HMGB1: variants seen among roughly 807,000 people sequenced by gnomAD.
The protein encoded by HMGB1 is high mobility group protein B1.
For missense variants in HMGB1, 79 were observed against 253.5 expected (o/e 0.31, Z 4.67); for synonymous variants, 81 against 84.0 (o/e 0.96, Z 0.19).
chr13:30,581,999 C>T (rs1764792331), intron 1 of HMGB1, among the ~76,000 whole-genome samples: 1 of 152,042 alleles, frequency 6.6e-6, no homozygotes, highest in African/African-American at 2.4e-5. Flanking sequence ...GTAGAGAAGG[C>T]AAACAGAATA....
At chr13:30,565,675 A>T (rs1365097040) in intron 1 of HMGB1, among the ~76,000 whole-genome samples, 1 of 152,220 alleles carries the variant, frequency 6.6e-6, no homozygotes, top group East Asian at 1.9e-4. Flanking sequence ...TCCAGAGGGC[A>T]CTGATGCTGC....
At chr13:30,464,499 G>A (rs1886586543) in intron 1 of HMGB1, 57 of 984,730 alleles carry the variant, frequency 5.8e-5, no homozygotes, top group Non-Finnish European at 6.6e-5. Flanking sequence ...CTTCGCCGGT[G>A]GCCGCGCGGC....
chr13:30,536,012 G>A (rs965147257), intron 1 of HMGB1, among the ~76,000 whole-genome samples: 22 of 152,258 alleles, frequency 1.4e-4, no homozygotes, highest in Non-Finnish European at 1.8e-4. Flanking sequence ...TACCAATAAC[G>A]TAATTCAGAA....
At chr13:30,567,137 A>C (rs919153807) in intron 1 of HMGB1, among the ~76,000 whole-genome samples, 2 of 152,224 alleles carry the variant, frequency 1.3e-5, no homozygotes, top group East Asian at 3.8e-4. Context: ...TTCAAGAATC[A>C]GGCAAATTGC....
intron 1 of HMGB1, among the ~76,000 whole-genome samples, chr13:30,525,330 G>A (rs1305366398): frequency 6.6e-6 from 1 of 152,130 alleles, no homozygotes; most frequent in Non-Finnish European, 1.5e-5. Flanking sequence ...ACAAAATATT[G>A]CAGCAAAATG....
At chr13:30,569,586 C>T (rs923927671) in intron 1 of HMGB1, among the ~76,000 whole-genome samples, 2 of 152,146 alleles carry the variant, frequency 1.3e-5, no homozygotes, top group Admixed American at 6.5e-5. Flanking sequence ...ACTGAGAAGA[C>T]AATGTTCATA....
intron 1 of HMGB1, among the ~76,000 whole-genome samples, chr13:30,518,149 T>C (rs1459663110): frequency 6.6e-6 from 1 of 151,838 alleles, no homozygotes; most frequent in Non-Finnish European, 1.5e-5. Context: ...CTGGGCAAGA[T>C]AGCGAGACTT....
intron 1 of HMGB1, among the ~76,000 whole-genome samples, chr13:30,555,477 G>A (rs1253555401): frequency 6.6e-6 from 1 of 152,078 alleles, no homozygotes; most frequent in South Asian, 2.1e-4. Flanking sequence ...TTGTTAAAGA[G>A]TCAAAAAAAT....
At chr13:30,588,197 T>C (rs1484321286) in intron 1 of HMGB1, among the ~76,000 whole-genome samples, 2 of 152,268 alleles carry the variant, frequency 1.3e-5, no homozygotes, top group African/African-American at 2.4e-5. Flanking sequence ...CAAGAAACCA[T>C]AATGTTAAAA....
At chr13:30,541,459 C>T (rs1010796284) in intron 1 of HMGB1, among the ~76,000 whole-genome samples, 2 of 146,534 alleles carry the variant, frequency 1.4e-5, no homozygotes, top group African/African-American at 5.5e-5. Context: ...GATTTTTCAG[C>T]ACAAGTCTAA....
intron 1 of HMGB1, among the ~76,000 whole-genome samples, chr13:30,558,937 A>G (rs559021504): frequency 3.3e-5 from 5 of 152,330 alleles, no homozygotes; most frequent in African/African-American, 7.2e-5. Flanking sequence ...CAGATGGATT[A>G]TAATCTTCTT....
intron 1 of HMGB1, among the ~76,000 whole-genome samples, chr13:30,550,001 G>A (rs1481615918): frequency 6.6e-6 from 1 of 151,994 alleles, no homozygotes; most frequent in Non-Finnish European, 1.5e-5. Flanking sequence ...ACAGGCATGA[G>A]CCACCACACC....
intron 1 of HMGB1, among the ~76,000 whole-genome samples, chr13:30,543,633 C>T (rs1334785631): frequency 6.6e-6 from 1 of 152,154 alleles, no homozygotes; most frequent in Non-Finnish European, 1.5e-5. Context: ...CCCTTCAGGG[C>T]AGCACCTGAA....
In HMGB1 at chr13:30,459,512, T is replaced by C. The variant is rs540804627; in HGVS notation, c.*1845A>G. 1 of 145,718 alleles carries C rather than the reference T, an allele frequency of 6.9e-6. No homozygotes were observed. Among genetic ancestry groups the C allele is most frequent in the Admixed American group, 6.7e-5 (1 of 14,852 alleles). 9.0% of individuals were successfully genotyped at this position (145,718 alleles called of 1,614,324 possible). On this transcript the variant is annotated 3_prime_UTR_variant, in exon 5 of 5. Transcript: ENST00000341423. Reference sequence around the variant, plus strand: ...AATCAGATTGAGTCATTTGCTCCTCTTAACAAAAAATCTGATGTTCGACAC... The same window carrying C: ...AATCAGATTGAGTCATTTGCTCCTCCTAACAAAAAATCTGATGTTCGACAC...
At chr13:30,499,928 G>A (rs1428886392) in intron 1 of HMGB1, among the ~76,000 whole-genome samples, 2 of 152,210 alleles carry the variant, frequency 1.3e-5, no homozygotes, top group Non-Finnish European at 2.9e-5. Flanking sequence ...CTGGGGAAAT[G>A]TGTCTCCCCA....
rs547066248 is a variant in HMGB1 at position 30,487,464 on chromosome 13, T to C, written c.-14-23770A>G. Among the ~76,000 whole-genome samples, 286 of 152,380 alleles carry C rather than the reference T, an allele frequency of 1.9e-3. 2 individuals are homozygous for C. Among genetic ancestry groups the C allele is most frequent in the Non-Finnish European group, 2.9e-3 (194 of 68,040 alleles). ...GAAGGTTCTGGGACTCTTTTGCATT[T>C]ATGCAGAGGGTTGCAGAAAAAATAA... On this transcript the variant is annotated intron_variant, in intron 1 of 4. Transcript: ENST00000405805.
rs1887166547 is a variant in HMGB1 at position 30,478,962 on chromosome 13, G to A, written c.-14-15268C>T. Among the ~76,000 whole-genome samples the A allele has an allele frequency of 2.7e-5, 4 of 150,262 alleles. No individual in the cohort carries two copies. The Admixed American group carries it at 2.7e-4, about 10-fold the overall frequency. The stretch of plus-strand genomic sequence containing the variant: ...CAGCTCACTGCAACCTCTGCCTCCC[G>A]GGTTCAAGCGATTCTCGTGCCTCAG... On this transcript the variant is annotated intron_variant, in intron 1 of 4. Coordinates refer to the HMGB1 transcript ENST00000405805.
In HMGB1 at chr13:30,608,623, C is replaced by T. The variant is rs1391441566; in HGVS notation, c.-15+8048G>A. On this transcript the variant is annotated intron_variant, in intron 1 of 4. Transcript: ENST00000405805. The stretch of plus-strand genomic sequence containing the variant: ...TCTCTTCTTTCCATTTGGGATTTGG[C>T]TGACTGAAGAGGGTCATTTGTTTTG... Among the ~76,000 whole-genome samples the T allele has an allele frequency of 2.0e-5, 3 of 152,280 alleles. 1 individual carries two copies. In the East Asian group the frequency reaches 5.8e-4, roughly 29 times the overall value.
chr13:30,488,343 A>T (rs1431641965), intron 1 of HMGB1, among the ~76,000 whole-genome samples: 1 of 152,270 alleles, frequency 6.6e-6, no homozygotes, highest in East Asian at 1.9e-4. Context: ...TTTGGATATT[A>T]TGATAGTTGT....
Sources: gnomAD v4.1 joint callset for allele counts (sites outside exome capture counted in the v4.1 genomes callset) on GRCh38, gnomAD v4.1.1 for gene constraint, MANE v1.5 for transcripts, NCBI Gene and HGNC (gene_info 2026-07-23, HGNC 2026-07-21) for gene names.